XPO5: variants seen among roughly 807,000 people sequenced by gnomAD.
XPO5 encodes exportin-5.
Under a neutral mutation model 160.6 loss-of-function variants are expected in XPO5, and 46 were observed. The observed-to-expected ratio is 0.29, with a 90% confidence interval of 0.23 to 0.37. The LOEUF is 0.37. Ranked by LOEUF, XPO5 falls within the 10% of genes least tolerant of loss-of-function variation. The pLI, the probability that XPO5 is intolerant of heterozygous loss-of-function variation, is 1.00. For synonymous variants in XPO5, 537 were observed against 519.3 expected (o/e 1.03, Z -0.46); for missense variants, 1,090 against 1,463.9 (o/e 0.74, Z 4.17).
chr6:43,536,824 A>C (rs1381475025), intron 20 of XPO5, among the ~76,000 whole-genome samples: 1 of 151,242 alleles, frequency 6.6e-6, no homozygotes, highest in Admixed American at 6.6e-5. Context: ...AAACACCTGA[A>C]AATTTTTTCT....
chr6:43,560,889 C>A (rs374179626), intron 10 of XPO5, 35 bp downstream of exon 10: 188 of 1,553,138 alleles, frequency 1.2e-4, no homozygotes, highest in Non-Finnish European at 1.6e-4. Context: ...GTTCACCTAA[C>A]TAAACTTTTG....
intron 23 of XPO5, among the ~76,000 whole-genome samples, chr6:43,530,422 C>CAAAAAAA (rs780873253): frequency 7.7e-6 from 1 of 130,242 alleles, no homozygotes. Flanking sequence ...AAGACTGTCT[C>CAAAAAAA]AAAAAAAAAA....
Position 43,531,466 on chromosome 6 carries a change from A to T in XPO5, c.2540+13T>A, listed in dbSNP as rs1257371952. ...GAGGAAGAAAATATGGAGAGGCAGC[A>T]TTGGTTCCTTACCAGTTTTCATAGA... On this transcript the variant is annotated intron_variant, in intron 22 of 31. Transcript: ENST00000265351. 6.2e-7 allele frequency: 1 copy of T among 1,607,826 alleles called. No homozygotes were observed. The highest frequency in any genetic ancestry group is 8.5e-7 in the Non-Finnish European group (1 of 1,174,242).
At chr6:43,546,815 G>GT in intron 19 of XPO5, 63 bp from the exon 20 acceptor site, 1 of 1,421,946 alleles carries the variant, frequency 7.0e-7, no homozygotes, top group Non-Finnish European at 9.4e-7. Flanking sequence ...ACCAAATACT[G>GT]TTAGATATAT....
chr6:43,563,046 T>A (rs1263721587), intron 8 of XPO5, among the ~76,000 whole-genome samples: 1 of 152,158 alleles, frequency 6.6e-6, no homozygotes, highest in Non-Finnish European at 1.5e-5. Context: ...AAGATGGTGT[T>A]GCAACAGATT....
At chr6:43,541,610 G>A (rs1794693462) in intron 20 of XPO5, among the ~76,000 whole-genome samples, 1 of 151,110 alleles carries the variant, frequency 6.6e-6, no homozygotes, top group Admixed American at 6.6e-5. Context: ...TCCAACCTGA[G>A]GCAATCGCCA....
At chr6:43,564,082 C>G (rs751576117) in intron 8 of XPO5, among the ~76,000 whole-genome samples, 116 of 152,164 alleles carry the variant, frequency 7.6e-4, no homozygotes, top group Non-Finnish European at 1.1e-3. Flanking sequence ...CCACCACGCC[C>G]GGCTAATTTT....
chr6:43,531,004 G>C (rs1369424801), intron 22 of XPO5, among the ~76,000 whole-genome samples, 180 bp from the exon 23 acceptor site: 1 of 152,218 alleles, frequency 6.6e-6, no homozygotes, highest in East Asian at 1.9e-4. Flanking sequence ...TGGTGGCCGA[G>C]ATCAGCAGTA....
chr6:43,552,838 T>C (rs1219592683), intron 14 of XPO5, among the ~76,000 whole-genome samples: 1 of 152,208 alleles, frequency 6.6e-6, no homozygotes, highest in African/African-American at 2.4e-5. Flanking sequence ...GCGTACAGTA[T>C]TCTAAAGCAG....
Position 43,573,571 on chromosome 6 carries a change from T to A in XPO5, c.136A>T (p.Ile46Phe). 1 of 1,613,620 alleles carries A rather than the reference T, an allele frequency of 6.2e-7. No individual in the cohort carries two copies. Among genetic ancestry groups the A allele is most frequent in the Non-Finnish European group, 8.5e-7 (1 of 1,179,676 alleles). ...AACCTCAAGCCACAGGGGACACAGATAGGACACTTTTCTTTAAACTCCTCA... is the reference window on the plus strand; with the variant it reads ...AACCTCAAGCCACAGGGGACACAGAAAGGACACTTTTCTTTAAACTCCTCA... ...FCEEFKEKCP[I>F]CVPCGLRLAE... Residue 46 changes from isoleucine (I) to phenylalanine (F), a missense_variant, in exon 2 of 32, where the codon ATC becomes TTC. Physicochemically the swap from Ile to Phe is conservative, Grantham distance 21 (BLOSUM62 0). This residue lies in a region of XPO5 where 170 missense variants were observed against 227.0 expected (regional missense o/e 0.75). Coordinates refer to ENST00000265351, the MANE Select transcript of XPO5 (RefSeq NM_020750.3).
At chr6:43,573,312 A>T (rs768327896) in intron 2 of XPO5, 168 bp downstream of exon 2, 3 of 875,832 alleles carry the variant, frequency 3.4e-6, no homozygotes, top group Non-Finnish European at 5.0e-6. Context: ...AAGAAAGGTT[A>T]AATCTTGAAT....
At chr6:43,572,621 G>C in intron 2 of XPO5, 43 bp from the exon 3 acceptor site, 1 of 1,576,516 alleles carries the variant, frequency 6.3e-7, no homozygotes, top group Non-Finnish European at 8.7e-7. Flanking sequence ...CACTTTAGAA[G>C]TCTTGTCTTT....
At chr6:43,554,715 G>T (rs753044863) in intron 13 of XPO5, among the ~76,000 whole-genome samples, 12 of 152,100 alleles carry the variant, frequency 7.9e-5, no homozygotes, top group Non-Finnish European at 1.8e-4. Flanking sequence ...GAGCCACCCT[G>T]CCTGGCCTAA....
rs1026255729 is a variant in XPO5, at chr6:43,526,203, C to T, written c.2984-282G>A. The T allele has an allele frequency of 2.2e-5, 10 of 450,570 alleles. No homozygotes were observed. The East Asian group carries it at 3.6e-4, about 16-fold the overall frequency. The allele number at this position is 450,570 out of a possible 1,614,324, so 27.9% of individuals were successfully genotyped here. A position where few individuals can be genotyped will look rare whatever the true frequency, so the allele number is the denominator to read the frequency against. ...TTGTTGTTGGACAAATATTTGAGCA[C>T]CAGACACTGATTTAGTTACTGGGGA... On this transcript the variant is annotated intron_variant, in intron 27 of 31. Coordinates refer to ENST00000265351, the MANE Select transcript of XPO5 (RefSeq NM_020750.3).
chr6:43,525,692 G>C, intron 28 of XPO5, 147 bp downstream of exon 28: 1 of 815,026 alleles, frequency 1.2e-6, no homozygotes, highest in Non-Finnish European at 1.9e-6. Context: ...CTTTTCCCTC[G>C]GTTTTTTCTG....
chr6:43,524,914 G>A lies in XPO5; in HGVS notation c.3229C>T (p.Leu1077=). Residue 1077 remains leucine (L), a synonymous_variant, in exon 30 of 32, where the codon CTG becomes TTG. Coordinates refer to ENST00000265351, the MANE Select transcript of XPO5 (RefSeq NM_020750.3). Reference sequence around the variant, plus strand: ...TGCCCGTGCATCTGTAAGCCTTTCAGCACACTGGTGAAAAGCCACGTAACT... The same window carrying A: ...TGCCCGTGCATCTGTAAGCCTTTCAACACACTGGTGAAAAGCCACGTAACT... ...DAVTWLFTSV[L]KGLQMHGQHD... 6.2e-7 allele frequency: 1 copy of A among 1,613,984 alleles called. No homozygotes were observed. Among genetic ancestry groups the A allele is most frequent in the Admixed American group, 1.7e-5 (1 of 60,020 alleles).
chr6:43,534,051 GAAGGA>G, intron 20 of XPO5, 44 bp from the exon 21 acceptor site: 1 of 1,477,352 alleles, frequency 6.8e-7, no homozygotes, highest in South Asian at 1.1e-5. Context: ...ATCTGATGCA[GAAGGA>G]AAGAGTGGGT....
chr6:43,551,154 G>C, intron 15 of XPO5, 144 bp downstream of exon 15: 1 of 764,902 alleles, frequency 1.3e-6, no homozygotes, highest in Non-Finnish European at 1.9e-6. Context: ...TACTCAGAAG[G>C]GTGAGGTGTG....
At chr6:43,529,317 T>A in intron 23 of XPO5, 1 of 807,708 alleles carries the variant, frequency 1.2e-6, no homozygotes, top group Non-Finnish European at 1.8e-6. Context: ...CCAAGGCGAG[T>A]GGATCACGGG....
Sources: allele counts gnomAD v4.1 joint callset (sites outside exome capture counted in the v4.1 genomes callset), GRCh38; gene constraint gnomAD v4.1.1; regional missense constraint gnomAD v4.1.1; transcripts MANE v1.5; gene names NCBI Gene and HGNC (gene_info 2026-07-23, HGNC 2026-07-21).